The following SLC10A7 variants were observed in gnomAD, a reference collection of about 807,000 sequenced individuals.
The protein encoded by SLC10A7 is solute carrier family 10 member 7, also known as sodium/bile acid cotransporter 7.
A neutral mutation model predicts 43.2 loss-of-function variants in SLC10A7; 29 were observed. That is an observed-to-expected ratio of 0.67 (90% CI 0.50 to 0.92). The LOEUF is 0.92. SLC10A7 is among the 40% of genes least tolerant of loss of function. The probability of loss-of-function intolerance (pLI) is 0.00; values close to 1 mark genes in which losing one functional copy is unlikely to be tolerated. For synonymous variants in SLC10A7, 152 were observed against 144.8 expected (o/e 1.05, Z -0.35); for missense variants, 295 against 403.2 (o/e 0.73, Z 2.30).
chr4:146,325,919 GC>G (rs1236497263), intron 6 of SLC10A7, 41 bp downstream of exon 6: 2 of 1,566,384 alleles, frequency 1.3e-6, no homozygotes, highest in African/African-American at 2.7e-5. Flanking sequence ...GTTGTAGATA[GC>G]TTTTAATAAA....
intron 5 of SLC10A7, among the ~76,000 whole-genome samples, chr4:146,426,936 G>C (rs1022875369): frequency 2.0e-5 from 3 of 152,188 alleles, no homozygotes; most frequent in African/African-American, 7.2e-5. Context: ...TCACTATTTA[G>C]CAGTCTCGTA....
chr4:146,331,387 T>C (rs1415622313), intron 5 of SLC10A7, among the ~76,000 whole-genome samples: 1 of 152,170 alleles, frequency 6.6e-6, no homozygotes, highest in Non-Finnish European at 1.5e-5. Context: ...ACTTACAGAG[T>C]TTTGTTCAGT....
chr4:146,356,049 A>G (rs7666619), intron 5 of SLC10A7, among the ~76,000 whole-genome samples: 1 of 120,438 alleles, frequency 8.3e-6, no homozygotes, highest in Non-Finnish European at 1.9e-5. Context: ...TAAAAAAAAA[A>G]AAATATATAT....
rs116896064 is a variant in SLC10A7 at position 146,359,407 on chromosome 4, C to A, written c.436-33411G>T. On this transcript the variant is annotated intron_variant, in intron 5 of 11. Coordinates refer to ENST00000335472, the MANE Select transcript of SLC10A7 (RefSeq NM_001029998.6). ...TTTTAATGAAATCCAATTAATCAAT[C>A]TTTTCATATATAGTTACGTTTTTGT... is the stretch of plus-strand genomic sequence containing the variant. Among the ~76,000 whole-genome samples, 703 of 152,072 alleles carry A rather than the reference C, an allele frequency of 4.6e-3. 30 individuals carry two copies. The East Asian group carries it at 0.086, about 19-fold the overall frequency.
At chr4:146,419,062 C>T (rs1252014449) in intron 5 of SLC10A7, among the ~76,000 whole-genome samples, 1 of 151,858 alleles carries the variant, frequency 6.6e-6, no homozygotes, top group African/African-American at 2.4e-5. Context: ...AGCTTCCATG[C>T]CCTCTCCAGG....
chr4:146,356,071 T>G (rs1180956561), intron 5 of SLC10A7, among the ~76,000 whole-genome samples: 1 of 148,074 alleles, frequency 6.8e-6, no homozygotes, highest in Non-Finnish European at 1.5e-5. Flanking sequence ...TATATATACA[T>G]ATATATAGTC....
intron 9 of SLC10A7, among the ~76,000 whole-genome samples, chr4:146,285,285 C>T (rs1729820121): frequency 6.6e-6 from 1 of 152,068 alleles, no homozygotes; most frequent in Non-Finnish European, 1.5e-5. Context: ...GATGGTGAGG[C>T]TGGGCAGGAA....
intron 4 of SLC10A7, among the ~76,000 whole-genome samples, chr4:146,490,511 G>C (rs936777038): frequency 2.0e-5 from 3 of 152,128 alleles, no homozygotes; most frequent in African/African-American, 7.2e-5. Context: ...CTGTTTGTCA[G>C]AGTTAAATTG....
intron 9 of SLC10A7, among the ~76,000 whole-genome samples, chr4:146,285,850 G>A (rs904279904): frequency 1.3e-5 from 2 of 151,430 alleles, no homozygotes; most frequent in African/African-American, 4.9e-5. Flanking sequence ...GACTGAATTT[G>A]GAGTGGTGAG....
chr4:146,421,299 T>C (rs1381259730), intron 5 of SLC10A7, among the ~76,000 whole-genome samples: 1 of 152,200 alleles, frequency 6.6e-6, no homozygotes, highest in Non-Finnish European at 1.5e-5. Context: ...GAATAAATGA[T>C]TAAGAAAGTT....
intron 4 of SLC10A7, among the ~76,000 whole-genome samples, chr4:146,451,231 C>CAAAAA (rs572993886): frequency 0.014 from 995 of 71,610 alleles, 14 homozygotes; most frequent in East Asian, 0.021. Context: ...AGTCTCCCAC[C>CAAAAA]AAAAAAAAAA....
At chr4:146,297,252 TTTTTTA>T (rs1730847316) in intron 7 of SLC10A7, among the ~76,000 whole-genome samples, 1 of 152,156 alleles carries the variant, frequency 6.6e-6, no homozygotes, top group Non-Finnish European at 1.5e-5. Flanking sequence ...CCATAGAAGC[TTTTTTA>T]TTTTGTTGTC....
chr4:146,261,626 G>A (rs1030577625), intron 10 of SLC10A7, among the ~76,000 whole-genome samples: 2 of 152,064 alleles, frequency 1.3e-5, no homozygotes, highest in Non-Finnish European at 2.9e-5. Context: ...AGGGATCCAC[G>A]ATCACTTGCA....
At chr4:146,289,997 A>G (rs1730310995) in intron 9 of SLC10A7, among the ~76,000 whole-genome samples, 1 of 146,116 alleles carries the variant, frequency 6.8e-6, no homozygotes. Flanking sequence ...TACAGGCGTG[A>G]GCAACCACAC....
chr4:146,301,465 C>A (rs763224934), intron 7 of SLC10A7, among the ~76,000 whole-genome samples: 1 of 151,822 alleles, frequency 6.6e-6, no homozygotes, highest in Non-Finnish European at 1.5e-5. Flanking sequence ...CAGGAAGGCA[C>A]GAGCAAGTTT....
At chr4:146,447,054 A>G (rs1156745961) in intron 4 of SLC10A7, among the ~76,000 whole-genome samples, 1 of 152,100 alleles carries the variant, frequency 6.6e-6, no homozygotes, top group East Asian at 1.9e-4. Flanking sequence ...TCAGACTCCC[A>G]TCCACCCCAT....
chr4:146,314,491 C>A (rs1732190638), intron 6 of SLC10A7, among the ~76,000 whole-genome samples: 2 of 152,272 alleles, frequency 1.3e-5, no homozygotes, highest in Middle Eastern at 3.4e-3. Context: ...GAGGGGCCAG[C>A]TCTCTAAGAA....
intron 4 of SLC10A7, among the ~76,000 whole-genome samples, chr4:146,486,672 C>T (rs1329585377): frequency 6.6e-6 from 1 of 152,168 alleles, no homozygotes. Flanking sequence ...GGTACCAAAA[C>T]AAATTCAGGA....
chr4:146,306,598 C>T (rs1731592728), intron 6 of SLC10A7, among the ~76,000 whole-genome samples: 1 of 152,054 alleles, frequency 6.6e-6, no homozygotes, highest in Non-Finnish European at 1.5e-5. Flanking sequence ...GTTCATAATT[C>T]CTATTTTTCT....
Sources: allele counts gnomAD v4.1 joint callset (sites outside exome capture counted in the v4.1 genomes callset), GRCh38; gene constraint gnomAD v4.1.1; transcripts MANE v1.5; gene names NCBI Gene and HGNC (gene_info 2026-07-23, HGNC 2026-07-21).